CSMD1: variants seen among roughly 807,000 people sequenced by gnomAD.
The protein encoded by CSMD1 is CUB and sushi domain-containing protein 1.
CSMD1 carries 213 observed loss-of-function variants against 417.5 expected under a neutral mutation model. The ratio of observed to expected loss-of-function variants is 0.51; its 90% CI spans 0.46 to 0.57. The LOEUF is 0.57. CSMD1 is among the 20% of genes least tolerant of loss of function. The pLI is 0.00. For synonymous variants in CSMD1, 2,862 were observed against 1,736.8 expected (o/e 1.65, Z -16.11); for missense variants, 6,923 against 4,529.7 (o/e 1.53, Z -15.17).
intron 1 of CSMD1, among the ~76,000 whole-genome samples, chr8:4,784,757 G>T (rs138416740): frequency 4.6e-5 from 7 of 152,190 alleles, no homozygotes; most frequent in Non-Finnish European, 8.8e-5. Flanking sequence ...TATCTGCAAA[G>T]ATCTTAAACA....
At chr8:4,735,371 G>C (rs1810162288) in intron 1 of CSMD1, among the ~76,000 whole-genome samples, 1 of 152,156 alleles carries the variant, frequency 6.6e-6, no homozygotes, top group Non-Finnish European at 1.5e-5. Context: ...CAAGCCCATT[G>C]TCTTTCTCTC....
chr8:3,923,523 C>G (rs1445773928), intron 5 of CSMD1, among the ~76,000 whole-genome samples: 1 of 152,012 alleles, frequency 6.6e-6, no homozygotes, highest in Admixed American at 6.6e-5. Flanking sequence ...TTATTCTCAC[C>G]TTGCGCATTT....
In CSMD1 at chr8:3,255,797, C is replaced by G. The variant is rs183157781; in HGVS notation, c.4154-25566G>C. The stretch of plus-strand genomic sequence containing the variant: ...TTTCTTTGACTAGAAAGGGAATTCC[C>G]TGACCTCTTGTGCTTCCCGGGTGAT... On this transcript the variant is annotated intron_variant, in intron 26 of 69. Transcript: ENST00000635120. Among the ~76,000 whole-genome samples, 20 of 152,304 alleles carry G rather than the reference C, an allele frequency of 1.3e-4. No homozygotes were observed. The East Asian group carries it at 3.5e-3, about 27-fold the overall frequency.
chr8:4,146,028 T>C (rs1284445108), intron 3 of CSMD1, among the ~76,000 whole-genome samples: 2 of 150,746 alleles, frequency 1.3e-5, no homozygotes, highest in Admixed American at 6.6e-5. Context: ...AAAAAATCTG[T>C]TGGGGAGTGA....
intron 1 of CSMD1, among the ~76,000 whole-genome samples, chr8:4,852,286 G>A (rs1334613614): frequency 1.3e-5 from 2 of 152,160 alleles, no homozygotes; most frequent in Non-Finnish European, 2.9e-5. Flanking sequence ...AGGTGCTGGG[G>A]TTGTGGGAGC....
At chr8:3,869,503 C>T (rs553207724) in intron 5 of CSMD1, among the ~76,000 whole-genome samples, 10 of 152,236 alleles carry the variant, frequency 6.6e-5, no homozygotes, top group South Asian at 2.1e-4. Context: ...AGGCTGAATG[C>T]GTTTGATATG....
chr8:3,149,535 T>C (rs1481594537), intron 40 of CSMD1, among the ~76,000 whole-genome samples: 1 of 152,182 alleles, frequency 6.6e-6, no homozygotes, highest in Non-Finnish European at 1.5e-5. Flanking sequence ...TGGAGCGCAG[T>C]GGCGTGATCG....
chr8:4,682,142 C>A (rs1806090058), intron 1 of CSMD1, among the ~76,000 whole-genome samples: 1 of 152,068 alleles, frequency 6.6e-6, no homozygotes, highest in Admixed American at 6.6e-5. Context: ...CCTCAGCCTC[C>A]CAAGTATCTG....
chr8:4,450,686 A>C (rs1179226777), intron 2 of CSMD1, among the ~76,000 whole-genome samples: 2 of 152,212 alleles, frequency 1.3e-5, no homozygotes, highest in Non-Finnish European at 1.5e-5. Flanking sequence ...CACTGTATCC[A>C]ATGTATAACA....
At chr8:3,045,673 T>A (rs1311824285) in intron 50 of CSMD1, among the ~76,000 whole-genome samples, 1 of 152,178 alleles carries the variant, frequency 6.6e-6, no homozygotes, top group South Asian at 2.1e-4. Flanking sequence ...TTATAATGCA[T>A]CAGATTTAAA....
chr8:3,412,013 TAC>T lies in CSMD1; in HGVS notation c.1562-2410_1562-2409del, dbSNP rs1206837168. On this transcript the variant is annotated intron_variant, in intron 12 of 69. Transcript: ENST00000635120. The stretch of plus-strand genomic sequence containing the variant: ...ATACGTGTATATACACGTATATATA[TAC>T]ATATACACACGTATATATACACATA... Among the ~76,000 whole-genome samples the T allele has an allele frequency of 1.2e-3, 8 of 6,512 alleles. 2 individuals are homozygous for T. Among genetic ancestry groups the T allele is most frequent in the Non-Finnish European group, 2.0e-3 (5 of 2,450 alleles). 4.3% of individuals were successfully genotyped at this position (6,512 alleles called of 152,430 possible).
At chr8:3,685,913 TAC>T (rs1225737214) in intron 7 of CSMD1, among the ~76,000 whole-genome samples, 6 of 152,156 alleles carry the variant, frequency 3.9e-5, no homozygotes, top group Non-Finnish European at 8.8e-5. Context: ...AACAATCCAA[TAC>T]ACTCTTTTAG....
rs147865498 is a variant in CSMD1 at position 4,214,361 on chromosome 8, G to A, written c.416-182262C>T. The stretch of plus-strand genomic sequence containing the variant: ...CACTGAGGCTGGAGTGCAGTGGTGC[G>A]ATCTTGGCTCACTGCAACCTCTGCC... On this transcript the variant is annotated intron_variant, in intron 3 of 69. Transcript: ENST00000635120. Among the ~76,000 whole-genome samples, 783 of 152,226 alleles carry A rather than the reference G, an allele frequency of 5.1e-3. 9 individuals carry two copies. Among genetic ancestry groups the A allele is most frequent in the African/African-American group, 0.017 (717 of 41,534 alleles).
intron 5 of CSMD1, among the ~76,000 whole-genome samples, chr8:3,864,194 GAAT>G (rs769152602): frequency 2.0e-5 from 3 of 152,104 alleles, no homozygotes; most frequent in Non-Finnish European, 2.9e-5. Flanking sequence ...GATAAAAACA[GAAT>G]AATAATTCAG....
intron 3 of CSMD1, among the ~76,000 whole-genome samples, chr8:4,089,165 C>A (rs997248728): frequency 6.6e-6 from 1 of 152,202 alleles, no homozygotes; most frequent in Middle Eastern, 3.2e-3. Flanking sequence ...AGACATTCCC[C>A]ACTCTTTATG....
chr8:3,320,991 G>C (rs887546699), intron 23 of CSMD1, among the ~76,000 whole-genome samples: 2 of 152,168 alleles, frequency 1.3e-5, no homozygotes, highest in Non-Finnish European at 2.9e-5. Flanking sequence ...AAGGCCGTGA[G>C]TTCCATCTCT....
At chr8:3,987,373 A>C (rs76984520) in intron 5 of CSMD1, among the ~76,000 whole-genome samples, 55 of 152,296 alleles carry the variant, frequency 3.6e-4, no homozygotes, top group African/African-American at 1.2e-3. Context: ...TTTGTTGTTT[A>C]TCACATATGC....
chr8:4,304,929 A>G lies in CSMD1; in HGVS notation c.415+115024T>C, dbSNP rs1240144081. ...AAGGTGTAACGATGAGATGATGAAC[A>G]AGTACTCTTTTATCAGGCTGTGGTA... On this transcript the variant is annotated intron_variant, in intron 3 of 69. Coordinates refer to ENST00000635120, the MANE Select transcript of CSMD1 (RefSeq NM_033225.6). Among the ~76,000 whole-genome samples the G allele has an allele frequency of 2.0e-5, 3 of 152,102 alleles. No individual in the cohort carries two copies. In the South Asian group the frequency reaches 6.2e-4, roughly 32 times the overall value.
At chr8:4,762,758 C>G (rs1025611635) in intron 1 of CSMD1, among the ~76,000 whole-genome samples, 1 of 152,106 alleles carries the variant, frequency 6.6e-6, no homozygotes, top group African/African-American at 2.4e-5. Flanking sequence ...CTCCTGCAGC[C>G]TGAATCTCCT....
Sources: allele counts gnomAD v4.1 joint callset (sites outside exome capture counted in the v4.1 genomes callset), GRCh38; gene constraint gnomAD v4.1.1; transcripts MANE v1.5; gene names NCBI Gene and HGNC (gene_info 2026-07-23, HGNC 2026-07-21).